ARAP1: variants seen among roughly 807,000 people sequenced by gnomAD.
ARAP1 encodes the protein arf-GAP with Rho-GAP domain, ANK repeat and PH domain-containing protein 1.
A neutral mutation model predicts 172.2 loss-of-function variants in ARAP1; 76 were observed. The observed-to-expected ratio is 0.44, with a 90% CI of 0.37 to 0.53. The LOEUF (loss-of-function observed/expected upper bound fraction) is 0.53, where lower values mean the gene tolerates loss of function less well. Ranked by LOEUF, ARAP1 falls within the 20% of genes least tolerant of loss-of-function variation. The pLI, the probability that ARAP1 is intolerant of heterozygous loss-of-function variation, is 0.00. For synonymous variants in ARAP1, 804 were observed against 803.3 expected, an observed-to-expected ratio of 1.00 and a Z score of -0.01; for missense variants, 1,686 against 1,977.5, an observed-to-expected ratio of 0.85 and a Z score of 2.80.
At chr11:72,688,924 A>C (rs1363701978) in intron 30 of ARAP1, 2 of 193,970 alleles carry the variant, frequency 1.0e-5, no homozygotes, top group African/African-American at 4.7e-5. Flanking sequence ...CCCAGCACCA[A>C]ACTGGAACGA....
At chr11:72,715,389 GC>G (rs1261424405) in intron 3 of ARAP1, among the ~76,000 whole-genome samples, 1 of 152,114 alleles carries the variant, frequency 6.6e-6, no homozygotes, top group African/African-American at 2.4e-5. Context: ...CTTGTCTGTT[GC>G]CCTGGTGTTC....
chr11:72,739,297 C>G (rs533531563), intron 1 of ARAP1, among the ~76,000 whole-genome samples: 9 of 152,200 alleles, frequency 5.9e-5, no homozygotes, highest in Non-Finnish European at 1.3e-4. Context: ...TGCCCTATAA[C>G]TCTCCCTGGC....
chr11:72,693,770 T>C lies in ARAP1; in HGVS notation c.3730A>G (p.Ile1244Val), dbSNP rs1037465536. The C allele has an allele frequency of 5.6e-6, 9 of 1,609,404 alleles. No homozygotes were observed. Among genetic ancestry groups the C allele is most frequent in the Middle Eastern group, 1.7e-4 (1 of 6,052 alleles). ...CTGTCCGTGCCCAGCCCGTGCAGGA[T>C]GGGCAGCACCTTCTCCGCAAAGTGC... is the stretch of plus-strand genomic sequence containing the variant. ...PLHFAEKVLP[I>V]LHGLGTDSHL... Residue 1244 changes from isoleucine to valine, a missense_variant, in exon 28 of 35, where the codon ATC becomes GTC. Around this residue, in one of 5 missense-constraint regions of ARAP1, gnomAD observed 379 missense variants for 500.1 expected, o/e 0.76. Coordinates refer to ENST00000393609, the MANE Select transcript of ARAP1 (RefSeq NM_001040118.3). This position sits in a 1 kb window ranked among gnomAD's most constrained non-coding sequence, Gnocchi z 4.6.
chr11:72,707,328 T>C lies in ARAP1; in HGVS notation c.1570A>G (p.Met524Val), dbSNP rs1299400468. 1 of 1,613,554 alleles carries C rather than the reference T, an allele frequency of 6.2e-7. No individual in the cohort carries two copies. Among genetic ancestry groups the C allele is most frequent in the African/African-American group, 1.3e-5 (1 of 74,926 alleles). ...ELEKEQWLEA[M>V]QGAIAEALST... ...AGGGCCTCAGCGATGGCTCCCTGCATGGCCTCCAACCACTGCTCCTTCTCT... is the reference window on the plus strand; with the variant it reads ...AGGGCCTCAGCGATGGCTCCCTGCACGGCCTCCAACCACTGCTCCTTCTCT... The change falls in exon 12 of 35, where the codon ATG (methionine) becomes GTG (valine). Residue 524 changes from methionine (M) to valine (V), a missense_variant. Physicochemically the swap from Met to Val is conservative, Grantham distance 21. Coordinates refer to ENST00000393609, the MANE Select transcript of ARAP1 (RefSeq NM_001040118.3).
intron 14 of ARAP1, 169 bp from the exon 15 acceptor site, chr11:72,703,248 G>A (rs1856581477): frequency 2.7e-6 from 2 of 745,960 alleles, no homozygotes; most frequent in Non-Finnish European, 2.1e-6. Flanking sequence ...GGAGAGGGAA[G>A]AGAGAGGCCA....
chr11:72,688,662 C>T, intron 30 of ARAP1, 125 bp from the exon 31 acceptor site: 1 of 770,412 alleles, frequency 1.3e-6, no homozygotes. Context: ...CAGGGCGCCT[C>T]CTCCAAGAAG....
rs766580910 is a variant in ARAP1, at chr11:72,726,778, G to C, written c.351C>G (p.Ile117Met). 2.4e-6 allele frequency: 2 copies of C among 850,866 alleles called. No homozygotes were observed. Among genetic ancestry groups the C allele is most frequent in the Non-Finnish European group, 3.5e-6 (2 of 566,380 alleles). The allele number at this position is 850,866 out of a possible 1,614,324, so 52.7% of individuals were successfully genotyped here. A position where few individuals can be genotyped will look rare whatever the true frequency, so the allele number is the denominator to read the frequency against. ...EDEGLPAAPP[I>M]PPRRSCLPPT... ...GCGGAAGGCAGCTCCTCCGGGGCGG[G>C]ATGGGTGGGGCAGCGGGGAGCCCCT... is the stretch of plus-strand genomic sequence containing the variant. The change falls in exon 3 of 35, where the codon ATC (isoleucine) becomes ATG (methionine). Residue 117 changes from isoleucine (I) to methionine (M), a missense_variant. Ile to Met is a conservative substitution (Grantham distance 10). This residue lies in a region of ARAP1 where 190 missense variants were observed against 228.6 expected (regional missense o/e 0.83). Transcript: ENST00000393609. This position sits in a 1 kb window ranked among gnomAD's most constrained non-coding sequence, Gnocchi z 6.5.
chr11:72,704,609 AG>A, intron 13 of ARAP1: 1 of 411,604 alleles, frequency 2.4e-6, no homozygotes, highest in Non-Finnish European at 4.4e-6. Flanking sequence ...ACCTGGTCCC[AG>A]GGGCCTTGCT....
intron 11 of ARAP1, among the ~76,000 whole-genome samples, chr11:72,709,457 C>G (rs1479914103): frequency 1.3e-5 from 2 of 152,140 alleles, no homozygotes; most frequent in Non-Finnish European, 2.9e-5. Context: ...AGAAAGACAC[C>G]AATGAACAGC....
Position 72,714,304 on chromosome 11 carries a change from T to C in ARAP1, c.527A>G (p.Glu176Gly). The C allele has an allele frequency of 6.5e-6, 10 of 1,547,232 alleles. No homozygotes were observed. Among genetic ancestry groups the C allele is most frequent in the Non-Finnish European group, 8.7e-6 (10 of 1,145,444 alleles). The change falls in exon 4 of 35, where the codon GAG becomes GGG. Residue 176 changes from glutamate to glycine, a missense_variant. Around this residue, in one of 5 missense-constraint regions of ARAP1, gnomAD observed 155 missense variants for 129.2 expected, o/e 1.20. Coordinates refer to ENST00000393609, the MANE Select transcript of ARAP1 (RefSeq NM_001040118.3). The part of the protein sequence containing the change: ...RLLVSLPTKE[E>G]ESLLPSLSSP... ...TGATAATGATGGCAGCAATGACTCC[T>C]CCTCCTTAGTGGGCAGGCTGGGAAC... is the stretch of plus-strand genomic sequence containing the variant.
At chr11:72,739,669 G>A (rs1858143106) in intron 1 of ARAP1, among the ~76,000 whole-genome samples, 1 of 152,178 alleles carries the variant, frequency 6.6e-6, no homozygotes, top group Admixed American at 6.5e-5. Flanking sequence ...GCACCCAGAT[G>A]ACCATGACAC....
chr11:72,703,170 G>C (rs1031673216), intron 14 of ARAP1, 91 bp from the exon 15 acceptor site: 6 of 1,287,984 alleles, frequency 4.7e-6, no homozygotes, highest in Middle Eastern at 2.2e-4. Flanking sequence ...GAAAAGGAAG[G>C]AGTCACCCAG....
chr11:72,692,868 G>A (rs1311492765), intron 29 of ARAP1, 83 bp from the exon 30 acceptor site: 8 of 1,551,450 alleles, frequency 5.2e-6, no homozygotes, highest in African/African-American at 1.4e-5. Context: ...TGGGGTTGGG[G>A]TGTGTGTATG....
At chr11:72,744,468 C>T (rs746806186) in intron 1 of ARAP1, among the ~76,000 whole-genome samples, 1 of 152,180 alleles carries the variant, frequency 6.6e-6, no homozygotes, top group Non-Finnish European at 1.5e-5. Flanking sequence ...CCCAGCCCTG[C>T]CTTCTCGACC....
intron 1 of ARAP1, among the ~76,000 whole-genome samples, chr11:72,734,010 G>A (rs1323139763): frequency 6.6e-6 from 1 of 151,918 alleles, no homozygotes; most frequent in Non-Finnish European, 1.5e-5. Context: ...ATTTTTAGTA[G>A]AGACGTGGTT....
chr11:72,715,188 A>G (rs1047076183), intron 3 of ARAP1, among the ~76,000 whole-genome samples: 11 of 152,234 alleles, frequency 7.2e-5, no homozygotes, highest in African/African-American at 2.4e-4. Context: ...CGGGGGCTAT[A>G]TCACTGACCT....
At position 72,695,358 on chromosome 11, in the gene ARAP1, C is replaced by A; in HGVS notation, c.3576+29G>T. On this transcript the variant is annotated intron_variant, in intron 26 of 34. Coordinates refer to ENST00000393609, the MANE Select transcript of ARAP1 (RefSeq NM_001040118.3). The surrounding 1 kb of genome is among the most constrained non-coding windows in gnomAD (Gnocchi z 4.4). Reference sequence around the variant, plus strand: ...TACCTGGCCCAGCCTGATTCTCTAGCCCCTTGGCTTCTAGGTCCCAGCACC... The same window carrying A: ...TACCTGGCCCAGCCTGATTCTCTAGACCCTTGGCTTCTAGGTCCCAGCACC... The A allele has an allele frequency of 1.2e-6, 2 of 1,613,908 alleles. No individual in the cohort carries two copies. The highest frequency in any genetic ancestry group is 1.7e-6 in the Non-Finnish European group (2 of 1,179,914).
At chr11:72,685,957 C>A in intron 34 of ARAP1, 85 bp downstream of exon 34, 1 of 1,609,454 alleles carries the variant, frequency 6.2e-7, no homozygotes, top group East Asian at 2.2e-5. Context: ...GGAGGGCAAT[C>A]AGGGCAATCA....
chr11:72,688,487 C>T lies in ARAP1; in HGVS notation c.4038G>A (p.Leu1346=), dbSNP rs1433314808. The T allele has an allele frequency of 6.2e-7, 1 of 1,612,838 alleles. No homozygotes were observed. The highest frequency in any genetic ancestry group is 1.3e-5 in the African/African-American group (1 of 74,972). The change falls in exon 31 of 35, where the codon CTG becomes CTA. Residue 1346 remains leucine, a synonymous_variant. Transcript: ENST00000393609. ...EWPIKSLKVY[L]GVKKKLRPPT... is the part of the protein sequence containing the mutation. ...GTGGCCTGAGTTTCTTCTTCACTCCCAGGTAGACTTTGAGACTCTTAATAG... is the reference window on the plus strand; with the variant it reads ...GTGGCCTGAGTTTCTTCTTCACTCCTAGGTAGACTTTGAGACTCTTAATAG...
Sources: gnomAD v4.1 joint callset for allele counts (sites outside exome capture counted in the v4.1 genomes callset) on GRCh38, gnomAD v4.1.1 for gene constraint, gnomAD v4.1.1 regional missense constraint, Gnocchi (gnomAD v3.1) non-coding constraint, MANE v1.5 for transcripts, NCBI Gene and HGNC (gene_info 2026-07-23, HGNC 2026-07-21) for gene names.